DEPDC5: variants seen among roughly 807,000 people sequenced by gnomAD.
DEPDC5 encodes the protein DEP domain containing 5, GATOR1 subcomplex subunit.
DEPDC5 carries 73 observed loss-of-function variants against 217.3 expected under a neutral mutation model. The ratio of observed to expected loss-of-function variants is 0.34; its 90% CI spans 0.28 to 0.41. The LOEUF (loss-of-function observed/expected upper bound fraction) is 0.41, where lower values mean the gene tolerates loss of function less well. Among genes scored for constraint, DEPDC5 ranks in the 10% least tolerant of loss-of-function variants. The pLI is 1.00. For synonymous variants in DEPDC5, 733 were observed against 756.7 expected, an observed-to-expected ratio of 0.97 and a Z score of 0.51; for missense variants, 1,675 against 2,070.1, an observed-to-expected ratio of 0.81 and a Z score of 3.70.
Position 31,843,138 on chromosome 22 carries a change from G to T in DEPDC5, c.2559G>T (p.Trp853Cys), listed in dbSNP as rs772221845. 3 of 1,614,116 alleles carry T rather than the reference G, an allele frequency of 1.9e-6. No homozygotes were observed. Among genetic ancestry groups the T allele is most frequent in the East Asian group, 2.2e-5 (1 of 44,874 alleles). Residue 853 changes from tryptophan to cysteine, a missense_variant, in exon 28 of 43, where the codon TGG (tryptophan) becomes TGT (cysteine). Trp to Cys is a radical substitution (Grantham distance 215, BLOSUM62 -2). Coordinates refer to ENST00000651528, the MANE Select transcript of DEPDC5 (RefSeq NM_001242896.3). ...RNRPEEEDQY[W>C]LSMGRTFHKV... Reference sequence around the variant, plus strand: ...GCCCTGAGGAGGAGGACCAGTATTGGCTGAGTATGGGCAGAACGTTCCACA... The same window carrying T: ...GCCCTGAGGAGGAGGACCAGTATTGTCTGAGTATGGGCAGAACGTTCCACA...
chr22:31,784,406 A>G (rs2084770567), intron 9 of DEPDC5: 4 of 192,636 alleles, frequency 2.1e-5, no homozygotes, highest in Non-Finnish European at 4.3e-5. Flanking sequence ...AGGTGGGCGG[A>G]TCACCTGAGG....
chr22:31,901,618 A>C, intron 40 of DEPDC5, 124 bp from the exon 41 acceptor site: 1 of 771,126 alleles, frequency 1.3e-6, no homozygotes, highest in Non-Finnish European at 2.2e-6. Context: ...CGTAGTATGG[A>C]GAAGCAGAGG....
intron 21 of DEPDC5, chr22:31,815,991 A>G: frequency 1.0e-6 from 1 of 986,682 alleles, no homozygotes; most frequent in Non-Finnish European, 1.2e-6. Flanking sequence ...CTCTGTCTTA[A>G]TGTTGCATTT....
chr22:31,893,785 G>A (rs1043931493), intron 39 of DEPDC5, 34 bp downstream of exon 39: 2 of 1,533,678 alleles, frequency 1.3e-6, no homozygotes, highest in African/African-American at 2.8e-5. Flanking sequence ...CAGGCCTTTG[G>A]CTCACCTCAC....
intron 34 of DEPDC5, among the ~76,000 whole-genome samples, chr22:31,871,997 C>G (rs2149241564): frequency 6.6e-6 from 1 of 152,328 alleles, no homozygotes; most frequent in East Asian, 1.9e-4. Context: ...TCTTTGAAAA[C>G]TTTTTCTAAC....
chr22:31,820,383 A>AT (rs1244112124), intron 22 of DEPDC5, among the ~76,000 whole-genome samples: 4 of 152,144 alleles, frequency 2.6e-5, no homozygotes, highest in African/African-American at 9.7e-5. Flanking sequence ...GTGTGCTGGC[A>AT]TTACAGGCGT....
chr22:31,815,238 G>C (rs747888862), intron 21 of DEPDC5, 26 bp downstream of exon 21: 1 of 1,612,644 alleles, frequency 6.2e-7, no homozygotes, highest in South Asian at 1.1e-5. Context: ...CACAGACAGA[G>C]CCAGGGACAT....
intron 41 of DEPDC5, among the ~76,000 whole-genome samples, chr22:31,903,879 G>A (rs902541947): frequency 6.6e-6 from 1 of 151,634 alleles, no homozygotes; most frequent in African/African-American, 2.4e-5. Flanking sequence ...GAGGGCAGGG[G>A]TATGCTTTTT....
At chr22:31,896,383 C>T (rs747566630) in intron 39 of DEPDC5, among the ~76,000 whole-genome samples, 1 of 152,038 alleles carries the variant, frequency 6.6e-6, no homozygotes, top group Non-Finnish European at 1.5e-5. Flanking sequence ...ATGAACATTC[C>T]GTGAGAGAAA....
At chr22:31,856,161 A>G (rs1047701241) in intron 31 of DEPDC5, among the ~76,000 whole-genome samples, 20 of 148,782 alleles carry the variant, frequency 1.3e-4, no homozygotes, top group Non-Finnish European at 2.3e-4. Flanking sequence ...ACGCGCACAC[A>G]CACACACACA....
At chr22:31,765,681 G>A (rs1217420782) in intron 5 of DEPDC5, among the ~76,000 whole-genome samples, 3 of 152,162 alleles carry the variant, frequency 2.0e-5, no homozygotes, top group Admixed American at 6.6e-5. Flanking sequence ...TTGCTTGTGC[G>A]CTATTGCACT....
chr22:31,844,988 C>A (rs1265363484), intron 29 of DEPDC5, 30 bp from the exon 30 acceptor site: 1 of 1,611,056 alleles, frequency 6.2e-7, no homozygotes, highest in Non-Finnish European at 8.5e-7. Flanking sequence ...TTTCTCTCAC[C>A]ACCACCCTGT....
intron 10 of DEPDC5, among the ~76,000 whole-genome samples, chr22:31,787,578 G>A (rs780127263): frequency 6.6e-6 from 1 of 152,136 alleles, no homozygotes; most frequent in Non-Finnish European, 1.5e-5. Context: ...AGGCTGAGGT[G>A]GGAGAATCGT....
chr22:31,841,917 G>C (rs902432357), intron 27 of DEPDC5, among the ~76,000 whole-genome samples: 1 of 152,206 alleles, frequency 6.6e-6, no homozygotes, highest in African/African-American at 2.4e-5. Context: ...TTCATTTCTA[G>C]ATCAAAGGAA....
intron 27 of DEPDC5, among the ~76,000 whole-genome samples, chr22:31,840,117 A>G (rs1320510508): frequency 6.6e-6 from 1 of 152,192 alleles, no homozygotes; most frequent in Non-Finnish European, 1.5e-5. Context: ...AAATATAATT[A>G]TATGTTGTGA....
chr22:31,824,916 C>T (rs1404672689), intron 24 of DEPDC5, among the ~76,000 whole-genome samples: 1 of 149,026 alleles, frequency 6.7e-6, no homozygotes, highest in Non-Finnish European at 1.5e-5. Flanking sequence ...GTGGAGCTTG[C>T]AGTGAGCCGA....
rs768241563 is a variant in DEPDC5, at chr22:31,754,942, C to G, written c.21C>G (p.Tyr7Ter). The change falls in exon 2 of 43, where the codon TAC becomes TAG. Residue 7 changes from tyrosine (Y) to a stop codon, truncating the protein, a stop_gained. Transcript: ENST00000651528. LOFTEE classifies it high-confidence loss of function. MRTTKV[Y>*]KLVIHKKGFG... ...GCAAGATGAGAACAACAAAGGTCTA[C>G]AAACTCGTCATCCACAAGAAGGGCT... 3 of 1,614,106 alleles carry G rather than the reference C, an allele frequency of 1.9e-6. No individual in the cohort carries two copies. The highest frequency in any genetic ancestry group is 2.5e-6 in the Non-Finnish European group (3 of 1,180,052).
At chr22:31,830,422 G>C (rs573528996) in intron 24 of DEPDC5, among the ~76,000 whole-genome samples, 1 of 152,346 alleles carries the variant, frequency 6.6e-6, no homozygotes, top group Non-Finnish European at 1.5e-5. Flanking sequence ...ATCATTGCAG[G>C]CTGGTGGGAC....
At chr22:31,814,444 G>C (rs2088828149) in intron 20 of DEPDC5, 1 of 153,696 alleles carries the variant, frequency 6.5e-6, no homozygotes, top group Non-Finnish European at 1.4e-5. Context: ...ACCTAAACAA[G>C]ATCCACTTTT....
Sources: gnomAD v4.1 joint callset for allele counts (sites outside exome capture counted in the v4.1 genomes callset) on GRCh38, gnomAD v4.1.1 for gene constraint, MANE v1.5 for transcripts, NCBI Gene and HGNC (gene_info 2026-07-23, HGNC 2026-07-21) for gene names.